Variants in CRKL observed in about 807,000 individuals in gnomAD.
The protein encoded by CRKL is crk-like protein.
CRKL carries 3 observed loss-of-function variants against 23.0 expected under a neutral mutation model. That is an observed-to-expected ratio of 0.13 (90% confidence interval 0.06 to 0.34). The LOEUF (loss-of-function observed/expected upper bound fraction) is 0.34, where lower values mean the gene tolerates loss of function less well. Among genes scored for constraint, CRKL ranks in the 10% least tolerant of loss-of-function variants. The pLI, the probability that CRKL is intolerant of heterozygous loss-of-function variation, is 1.00. For missense variants in CRKL, 256 were observed against 394.5 expected, an observed-to-expected ratio of 0.65 and a Z score of 2.97; for synonymous variants, 188 against 160.7, an observed-to-expected ratio of 1.17 and a Z score of -1.28.
intron 1 of CRKL, among the ~76,000 whole-genome samples, chr22:20,927,282 C>T (rs1921255961): frequency 7.1e-6 from 1 of 140,022 alleles, no homozygotes; most frequent in African/African-American, 2.7e-5. Flanking sequence ...TCTCCACCTC[C>T]CGGGTTCAAG....
intron 1 of CRKL, among the ~76,000 whole-genome samples, chr22:20,923,079 G>C (rs377732699): frequency 6.6e-6 from 1 of 152,034 alleles, no homozygotes; most frequent in Non-Finnish European, 1.5e-5. Flanking sequence ...AGCTTGTGTC[G>C]ATAGATAAAT....
At chr22:20,922,889 T>G (rs1601673054) in intron 1 of CRKL, among the ~76,000 whole-genome samples, 1 of 152,074 alleles carries the variant, frequency 6.6e-6, no homozygotes, top group South Asian at 2.1e-4. Context: ...GCCAGGCTGG[T>G]CTTGAACTCT....
chr22:20,938,290 TAA>T (rs1921737922), intron 2 of CRKL, among the ~76,000 whole-genome samples: 1 of 152,212 alleles, frequency 6.6e-6, no homozygotes, highest in Non-Finnish European at 1.5e-5. Context: ...TTCCTGTAAG[TAA>T]AGAGATATTT....
intron 2 of CRKL, among the ~76,000 whole-genome samples, chr22:20,941,568 G>GTA (rs1921877655): frequency 5.1e-5 from 1 of 19,616 alleles, no homozygotes; most frequent in African/African-American, 1.2e-4. Flanking sequence ...GTGTGTGTGT[G>GTA]TGTGTGTGTG....
At chr22:20,944,624 C>G (rs367811743) in intron 2 of CRKL, among the ~76,000 whole-genome samples, 2 of 151,326 alleles carry the variant, frequency 1.3e-5, no homozygotes, top group Non-Finnish European at 1.5e-5. Context: ...AGGATGGTCT[C>G]GATCTCTTGA....
intron 1 of CRKL, among the ~76,000 whole-genome samples, chr22:20,927,784 A>G (rs1368252568): frequency 6.8e-6 from 1 of 147,418 alleles, no homozygotes; most frequent in African/African-American, 2.5e-5. Context: ...TGGAGGTTGC[A>G]ATGAGTTGAG....
intron 1 of CRKL, among the ~76,000 whole-genome samples, chr22:20,923,056 A>G (rs182489205): frequency 6.6e-6 from 1 of 152,234 alleles, no homozygotes; most frequent in African/African-American, 2.4e-5. Context: ...TTTGTTTGAC[A>G]TTTTCCATTT....
In CRKL at chr22:20,918,229, A is replaced by T. The variant is rs1257146277; in HGVS notation, c.295A>T (p.Ile99Phe). ...KIHYLDTTTL[I>F]EPAPRYPSPP... ...CCACTACCTGGACACCACCACCCTC[A>T]TCGAGCCTGCGCCCAGGTACGCGAG... The change falls in exon 1 of 3, where the codon ATC becomes TTC. Residue 99 changes from isoleucine to phenylalanine, a missense_variant. By Grantham distance (21) the Ile-to-Phe change is conservative (BLOSUM62 0). Transcript: ENST00000354336. The T allele has an allele frequency of 1.2e-6, 2 of 1,613,676 alleles. No individual in the cohort carries two copies. The highest frequency in any genetic ancestry group is 1.7e-6 in the Non-Finnish European group (2 of 1,179,940).
intron 1 of CRKL, among the ~76,000 whole-genome samples, chr22:20,933,083 A>G (rs1323679066): frequency 6.6e-6 from 1 of 151,722 alleles, no homozygotes; most frequent in East Asian, 1.9e-4. Context: ...CTGTCTCCAA[A>G]AAAAAGGCTG....
chr22:20,936,100 C>T (rs1921649954), intron 2 of CRKL, among the ~76,000 whole-genome samples: 1 of 152,078 alleles, frequency 6.6e-6, no homozygotes, highest in Non-Finnish European at 1.5e-5. Flanking sequence ...TTAGAGGTTG[C>T]AGTGAGCCGA....
At chr22:20,943,925 A>G (rs574946329) in intron 2 of CRKL, among the ~76,000 whole-genome samples, 6 of 152,106 alleles carry the variant, frequency 3.9e-5, no homozygotes, top group Admixed American at 6.6e-5. Context: ...CCAGCACCAC[A>G]CTGTTGATTA....
chr22:20,927,192 A>T (rs1294258605), intron 1 of CRKL, among the ~76,000 whole-genome samples: 10 of 81,964 alleles, frequency 1.2e-4, no homozygotes, highest in Admixed American at 1.9e-4. Flanking sequence ...TTGGAATTGA[A>T]TTTTTTTTTT....
chr22:20,921,157 A>G (rs956147761), intron 1 of CRKL, among the ~76,000 whole-genome samples: 2 of 152,334 alleles, frequency 1.3e-5, no homozygotes, highest in South Asian at 2.1e-4. Context: ...AACAGGGTAC[A>G]TTTAGTGGCT....
At chr22:20,929,786 T>G (rs757712609) in intron 1 of CRKL, among the ~76,000 whole-genome samples, 3 of 152,090 alleles carry the variant, frequency 2.0e-5, no homozygotes, top group Non-Finnish European at 4.4e-5. Flanking sequence ...AAAGGGAAGT[T>G]GGGGGAGGGT....
chr22:20,933,423 T>C (rs1357118718), intron 1 of CRKL, among the ~76,000 whole-genome samples: 1 of 150,654 alleles, frequency 6.6e-6, no homozygotes, highest in African/African-American at 2.5e-5. Flanking sequence ...TCCCAGCACG[T>C]TGGGAGGCCG....
At chr22:20,934,817 T>C (rs752435030) in intron 2 of CRKL, among the ~76,000 whole-genome samples, 1,545 of 139,490 alleles carry the variant, frequency 0.011, 14 homozygotes, top group Non-Finnish European at 0.018. Context: ...TTTTTTTTTT[T>C]TTTTTTTTTT....
intron 2 of CRKL, among the ~76,000 whole-genome samples, chr22:20,945,737 G>A (rs1367682014): frequency 6.6e-6 from 1 of 152,212 alleles, no homozygotes; most frequent in Non-Finnish European, 1.5e-5. Flanking sequence ...AGGTGCAGGT[G>A]CACAGAGAAC....
Position 20,933,854 on chromosome 22 carries a change from G to T in CRKL, c.387G>T (p.Arg129=), listed in dbSNP as rs2147904696. The T allele has an allele frequency of 1.2e-6, 2 of 1,614,106 alleles. No individual in the cohort carries two copies. The highest frequency in any genetic ancestry group is 1.7e-6 in the Non-Finnish European group (2 of 1,180,022). The part of the protein sequence containing the change: ...PTAEDNLEYV[R]TLYDFPGNDA... ...CAGAAGATAACCTGGAATATGTACGGACTCTGTATGATTTTCCTGGGAATG... is the reference window on the plus strand; with the variant it reads ...CAGAAGATAACCTGGAATATGTACGTACTCTGTATGATTTTCCTGGGAATG... Residue 129 remains arginine, a synonymous_variant, in exon 2 of 3, where the codon CGG becomes CGT. Coordinates refer to ENST00000354336, the MANE Select transcript of CRKL (RefSeq NM_005207.4).
At chr22:20,938,118 TATTAAA>T (rs968986302) in intron 2 of CRKL, among the ~76,000 whole-genome samples, 15 of 152,314 alleles carry the variant, frequency 9.8e-5, no homozygotes, top group African/African-American at 2.9e-4. Flanking sequence ...CTAGGAAAAG[TATTAAA>T]ATTAAAATGA....
Sources: allele counts gnomAD v4.1 joint callset (sites outside exome capture counted in the v4.1 genomes callset), GRCh38; gene constraint gnomAD v4.1.1; transcripts MANE v1.5; gene names NCBI Gene and HGNC (gene_info 2026-07-23, HGNC 2026-07-21).